The following ELP4 variants were observed in gnomAD, a reference collection of about 807,000 sequenced individuals.
ELP4 encodes elongator acetyltransferase complex subunit 4, also known as elongator complex protein 4.
In ELP4, 51 loss-of-function variants were observed where a neutral mutation model predicts 48.9. The ratio of observed to expected loss-of-function variants is 1.04; its 90% CI spans 0.83 to 1.32. ELP4 has a LOEUF of 1.32. Among genes scored for constraint, ELP4 ranks in the 40% most tolerant of loss-of-function variants. The pLI, the probability that ELP4 is intolerant of heterozygous loss-of-function variation, is 0.00. For missense variants in ELP4, 519 were observed against 514.6 expected (o/e 1.01, Z -0.08); for synonymous variants, 210 against 189.2 (o/e 1.11, Z -0.90).
At chr11:31,687,004 CCAT>C (rs1156743691) in intron 9 of ELP4, among the ~76,000 whole-genome samples, 2 of 152,058 alleles carry the variant, frequency 1.3e-5, no homozygotes, top group Non-Finnish European at 2.9e-5. Context: ...ATCACCATCA[CCAT>C]CATCATAATG....
intron 9 of ELP4, among the ~76,000 whole-genome samples, chr11:31,729,140 CTCATTTTAAAATGTGCTTGT>C (rs1394153177): frequency 2.0e-5 from 3 of 152,080 alleles, no homozygotes; most frequent in South Asian, 2.1e-4. Context: ...GTAATTGTAG[CTCATTTTAAAATGTGCTTGT>C]TCATTTTTAA....
intron 8 of ELP4, chr11:31,648,836 TAA>T (rs1945261644): frequency 6.6e-6 from 1 of 151,528 alleles, no homozygotes; most frequent in African/African-American, 2.4e-5. Flanking sequence ...TTCCACCGAG[TAA>T]AGAGTGGTTC....
intron 2 of ELP4, among the ~76,000 whole-genome samples, chr11:31,521,978 A>G (rs547608236): frequency 1.3e-5 from 2 of 152,264 alleles, no homozygotes; most frequent in South Asian, 4.1e-4. Flanking sequence ...CATCAATACA[A>G]TATAATCTTC....
intron 3 of ELP4, among the ~76,000 whole-genome samples, chr11:31,544,138 G>A (rs896071549): frequency 6.6e-6 from 1 of 152,254 alleles, no homozygotes; most frequent in Admixed American, 6.5e-5. Context: ...GGGAGTGCCA[G>A]ACAGTGGGCG....
intron 9 of ELP4, among the ~76,000 whole-genome samples, chr11:31,773,728 C>A (rs1056008579): frequency 6.6e-6 from 1 of 152,160 alleles, no homozygotes; most frequent in Non-Finnish European, 1.5e-5. Flanking sequence ...TGTTTCTGTT[C>A]CATTTTTTTA....
At chr11:31,522,221 TAAAG>T (rs1439494994) in intron 2 of ELP4, among the ~76,000 whole-genome samples, 2 of 152,170 alleles carry the variant, frequency 1.3e-5, no homozygotes, top group Non-Finnish European at 2.9e-5. Context: ...TTATGGTAAA[TAAAG>T]AATGTCTGAA....
intron 3 of ELP4, among the ~76,000 whole-genome samples, chr11:31,577,905 C>T (rs943041213): frequency 2.6e-5 from 4 of 152,206 alleles, no homozygotes; most frequent in African/African-American, 9.6e-5. Context: ...TGCCCTCTCT[C>T]ACCACTCCCA....
rs1171009926 is a variant in ELP4, at chr11:31,790,097, CAAAAAA to C, written c.*6591_*6596del. On this transcript the variant is annotated 3_prime_UTR_variant, in exon 10 of 10. Coordinates refer to ENST00000640961, the MANE Select transcript of ELP4 (RefSeq NM_019040.5). ...CATGGAATACAAATTTATAGGTTTA[CAAAAAA>C]AAAAAAAAAAAAAAAAACTAATACT... 3,137 of 144,892 alleles carry C rather than the reference CAAAAAA, an allele frequency of 0.022. 20 individuals are homozygous for C. Among genetic ancestry groups the C allele is most frequent in the African/African-American group, 0.067 (1,389 of 20,828 alleles). 9.0% of individuals were successfully genotyped at this position (144,892 alleles called of 1,614,324 possible).
chr11:31,608,116 G>C (rs979567502), intron 5 of ELP4, among the ~76,000 whole-genome samples: 1 of 152,040 alleles, frequency 6.6e-6, no homozygotes, highest in Non-Finnish European at 1.5e-5. Context: ...GAGAACGGAG[G>C]GCCCCTTGGG....
At chr11:31,764,273 T>C (rs924993516) in intron 9 of ELP4, among the ~76,000 whole-genome samples, 2 of 152,234 alleles carry the variant, frequency 1.3e-5, no homozygotes, top group African/African-American at 4.8e-5. Flanking sequence ...TGTGCCAAAC[T>C]AGCTGTGTGT....
intron 1 of ELP4, among the ~76,000 whole-genome samples, chr11:31,518,014 A>T (rs1956147653): frequency 6.6e-6 from 1 of 152,212 alleles, no homozygotes; most frequent in African/African-American, 2.4e-5. Flanking sequence ...TGAGACATTA[A>T]TCAAAATGGC....
chr11:31,552,817 C>G (rs1429595515), intron 3 of ELP4, among the ~76,000 whole-genome samples: 1 of 152,012 alleles, frequency 6.6e-6, no homozygotes, highest in Non-Finnish European at 1.5e-5. Flanking sequence ...CTTTAAAGGC[C>G]CTAGCTAATA....
chr11:31,695,469 C>T (rs1049436106), intron 9 of ELP4, among the ~76,000 whole-genome samples: 5 of 151,444 alleles, frequency 3.3e-5, no homozygotes, highest in Admixed American at 6.6e-5. Context: ...TTTATTGATT[C>T]GCGTATGTTG....
At chr11:31,538,170 A>C (rs1956532823) in intron 2 of ELP4, among the ~76,000 whole-genome samples, 1 of 151,186 alleles carries the variant, frequency 6.6e-6, no homozygotes, top group South Asian at 2.1e-4. Context: ...CAATCAATAT[A>C]TTAGTGTAGT....
At chr11:31,536,431 A>C (rs1956502425) in intron 2 of ELP4, among the ~76,000 whole-genome samples, 1 of 152,124 alleles carries the variant, frequency 6.6e-6, no homozygotes, top group South Asian at 2.1e-4. Flanking sequence ...GGCTCACTGC[A>C]ACCTCCACTT....
At chr11:31,580,213 A>G (rs1957365038) in intron 3 of ELP4, among the ~76,000 whole-genome samples, 1 of 152,168 alleles carries the variant, frequency 6.6e-6, no homozygotes, top group African/African-American at 2.4e-5. Context: ...CCAAACACCA[A>G]TTGTTCTTCC....
chr11:31,661,500 A>T (rs1222600591), intron 9 of ELP4, among the ~76,000 whole-genome samples: 1 of 152,040 alleles, frequency 6.6e-6, no homozygotes, highest in Non-Finnish European at 1.5e-5. Flanking sequence ...CTTTGGGAAA[A>T]TATCATTCTT....
chr11:31,725,215 A>T (rs1263315636), intron 9 of ELP4, among the ~76,000 whole-genome samples: 1 of 152,192 alleles, frequency 6.6e-6, no homozygotes, highest in South Asian at 2.1e-4. Flanking sequence ...ATGCATCCAC[A>T]TCATACTTTC....
Position 31,786,594 on chromosome 11 carries a change from GA to G in ELP4, c.*3072del, listed in dbSNP as rs1948646809. ...CCAGAGTAAAAAGAAATAAGCAAAA[GA>G]ATATAGACACAATCCTAAGATGACA... On this transcript the variant is annotated 3_prime_UTR_variant, in exon 10 of 10. Transcript: ENST00000640961. The G allele has an allele frequency of 4.4e-6, 1 of 225,502 alleles. No individual in the cohort carries two copies. Among genetic ancestry groups the G allele is most frequent in the South Asian group, 1.8e-4 (1 of 5,474 alleles). The allele number at this position is 225,502 out of a possible 1,614,324, so 14.0% of individuals were successfully genotyped here.
Sources: gnomAD v4.1 joint callset for allele counts (sites outside exome capture counted in the v4.1 genomes callset) on GRCh38, gnomAD v4.1.1 for gene constraint, MANE v1.5 for transcripts, NCBI Gene and HGNC (gene_info 2026-07-23, HGNC 2026-07-21) for gene names.